CFH: variants seen among roughly 807,000 people sequenced by gnomAD.
CFH encodes H factor 1 (complement).
CFH carries 53 observed loss-of-function variants against 147.3 expected under a neutral mutation model. The ratio of observed to expected loss-of-function variants is 0.36; its 90% CI spans 0.29 to 0.45. The LOEUF (loss-of-function observed/expected upper bound fraction) is 0.45. Among genes scored for constraint, CFH ranks in the 20% least tolerant of loss-of-function variants. CFH has a pLI of 1.00. For synonymous variants in CFH, 536 were observed against 489.4 expected (o/e 1.10, Z -1.26); for missense variants, 1,380 against 1,498.0 (o/e 0.92, Z 1.30).
At chr1:196,707,530 A>C (rs1238204409) in intron 9 of CFH, among the ~76,000 whole-genome samples, 6 of 152,164 alleles carry the variant, frequency 3.9e-5, no homozygotes, top group Non-Finnish European at 8.8e-5. Context: ...ACCACTTAAA[A>C]CACAGTGAAA....
At position 196,713,917 on chromosome 1, in the gene CFH, A is replaced by T; in HGVS notation, c.1519A>T (p.Lys507Ter). The change falls in exon 10 of 22, where the codon AAA becomes TAA. Residue 507 changes from lysine to a stop codon, truncating the protein, a stop_gained and splice_region_variant. Transcript: ENST00000367429. LOFTEE classifies it high-confidence loss of function. ...ATGGTCAGCTCAACCCACGTGCATT[A>T]GTAAGTAATTTATTATGTTTGTATT... is the stretch of plus-strand genomic sequence containing the variant. Reference protein sequence around the residue: ...DGWSAQPTCIKSCDIPVFMNA... With the variant: ...DGWSAQPTCI 1 of 1,611,480 alleles carries T rather than the reference A, an allele frequency of 6.2e-7. No individual in the cohort carries two copies.
At position 196,747,381 on chromosome 1, in the gene CFH, T is replaced by C. The variant is rs397832557; in HGVS notation, c.*68T>C. ...TAAATCAGTTCTCAATTTCATTTTT[T>C]ATGTATTGTTTTACTCCTTTTTATT... is the stretch of plus-strand genomic sequence containing the variant. On this transcript the variant is annotated 3_prime_UTR_variant, in exon 22 of 22. Transcript: ENST00000367429. The C allele has an allele frequency of 6.3e-7, 1 of 1,599,978 alleles. No homozygotes were observed. The highest frequency in any genetic ancestry group is 8.6e-7 in the Non-Finnish European group (1 of 1,169,336).
chr1:196,704,442 A>C (rs953445600), intron 9 of CFH, among the ~76,000 whole-genome samples: 5 of 152,166 alleles, frequency 3.3e-5, no homozygotes, highest in African/African-American at 1.2e-4. Flanking sequence ...TGCTAAGATT[A>C]CTTTTTCTCT....
chr1:196,732,268 G>C (rs2149110893), intron 15 of CFH, among the ~76,000 whole-genome samples: 1 of 151,918 alleles, frequency 6.6e-6, no homozygotes, highest in African/African-American at 2.4e-5. Flanking sequence ...CATCTAGTCT[G>C]CTGATGAATA....
rs1475078294 is a variant in CFH at position 196,712,612 on chromosome 1, T to C, written c.1337-1123T>C. Among the ~76,000 whole-genome samples, 9 of 149,290 alleles carry C rather than the reference T, an allele frequency of 6.0e-5. No homozygotes were observed. The South Asian group carries it at 1.0e-3, about 17-fold the overall frequency. The stretch of plus-strand genomic sequence containing the variant: ...GACAGTAATTTCTTTTTTTGGGTTA[T>C]TATTATTATTATTATTATTATACTT... On this transcript the variant is annotated intron_variant, in intron 9 of 21. Transcript: ENST00000367429.
At chr1:196,710,917 G>C (rs1248611832) in intron 9 of CFH, among the ~76,000 whole-genome samples, 1 of 151,956 alleles carries the variant, frequency 6.6e-6, no homozygotes, top group Non-Finnish European at 1.5e-5. Flanking sequence ...TCTTGAGAGA[G>C]CCATGATAGT....
Position 196,747,207 on chromosome 1 carries a change from T to C in CFH, c.3590T>C (p.Val1197Ala), listed in dbSNP as rs460184. The C allele has an allele frequency of 6.8e-6, 11 of 1,613,880 alleles. No homozygotes were observed. Among genetic ancestry groups the C allele is most frequent in the Admixed American group, 3.3e-5 (2 of 60,002 alleles). Reference sequence around the variant, plus strand: ...CTTTATTCGAGAACAGGTGAATCAGTTGAATTTGTGTGTAAACGGGGATAT... The same window carrying C: ...CTTTATTCGAGAACAGGTGAATCAGCTGAATTTGTGTGTAAACGGGGATAT... ...QKLYSRTGES[V>A]EFVCKRGYRL... The change falls in exon 22 of 22, where the codon GTT (valine) becomes GCT (alanine). Residue 1197 changes from valine to alanine, a missense_variant. Transcript: ENST00000367429.
intron 9 of CFH, chr1:196,701,578 C>T (rs556659202): frequency 9.2e-5 from 50 of 543,494 alleles, no homozygotes; most frequent in African/African-American, 8.2e-4. Context: ...CCCACTGTCT[C>T]AGTGTATTGT....
chr1:196,729,649 C>T (rs796216330), intron 15 of CFH, among the ~76,000 whole-genome samples: 31 of 151,882 alleles, frequency 2.0e-4, no homozygotes, highest in African/African-American at 7.2e-4. Flanking sequence ...TTTTTGGAGT[C>T]GTTTTAGAAG....
chr1:196,695,488 G>A (rs75727300), intron 9 of CFH, among the ~76,000 whole-genome samples: 1 of 151,992 alleles, frequency 6.6e-6, no homozygotes, highest in Non-Finnish European at 1.5e-5. Flanking sequence ...TGGCTAGATG[G>A]GACCTTTTTT....
chr1:196,727,727 A>G (rs35634602), intron 14 of CFH, among the ~76,000 whole-genome samples: 3,971 of 152,280 alleles, frequency 0.026, 74 homozygotes, highest in Non-Finnish European at 0.042. Context: ...AGTTTGTTCC[A>G]TATCAGCCAA....
At chr1:196,729,835 T>A (rs778742602) in intron 15 of CFH, among the ~76,000 whole-genome samples, 1 of 151,914 alleles carries the variant, frequency 6.6e-6, no homozygotes, top group Non-Finnish European at 1.5e-5. Flanking sequence ...TGTCTAGAAA[T>A]TTATCCATTT....
chr1:196,683,945 A>G (rs1427547121), intron 6 of CFH, among the ~76,000 whole-genome samples: 1 of 151,934 alleles, frequency 6.6e-6, no homozygotes, highest in Admixed American at 6.6e-5. Context: ...GATTTCAAGC[A>G]ATGCTGAATG....
intron 11 of CFH, among the ~76,000 whole-genome samples, chr1:196,718,321 T>C (rs906141998): frequency 1.3e-5 from 2 of 152,062 alleles, no homozygotes; most frequent in African/African-American, 2.4e-5. Flanking sequence ...ATAATTGAGA[T>C]AGAAAATAGG....
rs554692854 is a variant in CFH, at chr1:196,742,758, G to A, written c.3134-694G>A. Among the ~76,000 whole-genome samples, 5 of 152,258 alleles carry A rather than the reference G, an allele frequency of 3.3e-5. No individual in the cohort carries two copies. In the South Asian group the frequency reaches 1.0e-3, roughly 32 times the overall value. On this transcript the variant is annotated intron_variant, in intron 19 of 21. Transcript: ENST00000367429. ...TTTACACTTCCGAGTGAGAAGCATT[G>A]CTATAGTCTATTCACTACACATGGA...
At chr1:196,654,449 T>G (rs1050406122) in intron 1 of CFH, among the ~76,000 whole-genome samples, 1 of 152,140 alleles carries the variant, frequency 6.6e-6, no homozygotes, top group Non-Finnish European at 1.5e-5. Flanking sequence ...GTTTTAACAG[T>G]CTGGCTCAGG....
chr1:196,658,413 T>A lies in CFH; in HGVS notation c.58+6238T>A, dbSNP rs1289180866. Among the ~76,000 whole-genome samples, 67 of 131,884 alleles carry A rather than the reference T, an allele frequency of 5.1e-4. 1 individual carries two copies. In the East Asian group the frequency reaches 0.014, roughly 27 times the overall value. The allele number at this position is 131,884 out of a possible 152,430, so 86.5% of individuals were successfully genotyped here. On this transcript the variant is annotated intron_variant, in intron 1 of 21. Transcript: ENST00000367429. Reference sequence around the variant, plus strand: ...CAGCCACCTTGCTCAGGTAATTTTTTTTTTTTTTTTTTTTTTGAGATGGAG... The same window carrying A: ...CAGCCACCTTGCTCAGGTAATTTTTATTTTTTTTTTTTTTTTGAGATGGAG...
At chr1:196,703,918 A>G (rs1047659239) in intron 9 of CFH, among the ~76,000 whole-genome samples, 4 of 132,650 alleles carry the variant, frequency 3.0e-5, no homozygotes, top group African/African-American at 1.1e-4. Flanking sequence ...GGGGAGGCAG[A>G]GCTTGCAAGT....
chr1:196,683,150 A>C (rs35449482), intron 6 of CFH, among the ~76,000 whole-genome samples: 2,871 of 151,430 alleles, frequency 0.019, 30 homozygotes, highest in African/African-American at 0.026. Flanking sequence ...GGAAAATAAT[A>C]AGATATAAAA....
Sources: gnomAD v4.1 joint callset for allele counts (sites outside exome capture counted in the v4.1 genomes callset) on GRCh38, gnomAD v4.1.1 for gene constraint, MANE v1.5 for transcripts, NCBI Gene and HGNC (gene_info 2026-07-23, HGNC 2026-07-21) for gene names.